UBR3: variants seen among roughly 807,000 people sequenced by gnomAD.
UBR3 encodes the protein E3 ubiquitin-protein ligase UBR3.
Under a neutral mutation model 243.2 loss-of-function variants are expected in UBR3, and 85 were observed. The ratio of observed to expected loss-of-function variants is 0.35; its 90% CI spans 0.29 to 0.42. The LOEUF (loss-of-function observed/expected upper bound fraction) is 0.42. Among genes scored for constraint, UBR3 ranks in the 10% least tolerant of loss-of-function variants. UBR3 has a pLI of 1.00. For missense variants in UBR3, 1,686 were observed against 2,300.8 expected (o/e 0.73, Z 5.47); for synonymous variants, 748 against 799.8 (o/e 0.94, Z 1.09).
chr2:169,882,680 C>G (rs2083938494), intron 5 of UBR3, among the ~76,000 whole-genome samples: 1 of 150,744 alleles, frequency 6.6e-6, no homozygotes, highest in Non-Finnish European at 1.5e-5. Context: ...GCAGAAGTTG[C>G]AGAGCTGAGA....
rs567848165 is a variant in UBR3, at chr2:169,858,626, GTCTC to G, written c.546-13602_546-13599del. Among the ~76,000 whole-genome samples the G allele has an allele frequency of 1.9e-4, 29 of 151,976 alleles. No individual in the cohort carries two copies. In the East Asian group the frequency reaches 5.6e-3, roughly 29 times the overall value. On this transcript the variant is annotated intron_variant, in intron 1 of 38. Coordinates refer to ENST00000272793, the MANE Select transcript of UBR3 (RefSeq NM_172070.4). ...TTTATTTATTTATTTTTGAGACAGAGTCTCTCTCTCTTACCCAGGCTGGAATGCA... is the reference window on the plus strand; with the variant it reads ...TTTATTTATTTATTTTTGAGACAGAGTCTCTCTTACCCAGGCTGGAATGCA...
At chr2:169,987,483 A>T (rs1292729471) in intron 25 of UBR3, among the ~76,000 whole-genome samples, 1 of 151,474 alleles carries the variant, frequency 6.6e-6, no homozygotes, top group Non-Finnish European at 1.5e-5. Context: ...GTTTTTAATT[A>T]CACAAGGCAT....
At chr2:169,870,326 G>A (rs1042089540) in intron 1 of UBR3, among the ~76,000 whole-genome samples, 5 of 151,868 alleles carry the variant, frequency 3.3e-5, no homozygotes, top group East Asian at 1.9e-4. Flanking sequence ...ACTGGGTCTC[G>A]CTATGTCACC....
chr2:169,900,067 G>A (rs4668180), intron 8 of UBR3, among the ~76,000 whole-genome samples: 8,237 of 152,132 alleles, frequency 0.054, 407 homozygotes, highest in African/African-American at 0.13. Context: ...TTGAGGAATC[G>A]CCACACTGTC....
At chr2:169,876,575 T>TTG in intron 3 of UBR3, among the ~76,000 whole-genome samples, 1 of 152,150 alleles carries the variant, frequency 6.6e-6, no homozygotes, top group Admixed American at 6.5e-5. Context: ...TGTATTTTTT[T>TTG]GAGACAGAGT....
At chr2:170,044,243 A>AG (rs1325615364) in intron 32 of UBR3, among the ~76,000 whole-genome samples, 3 of 152,216 alleles carry the variant, frequency 2.0e-5, no homozygotes, top group Admixed American at 2.0e-4. Context: ...GTTTGTTATT[A>AG]GAAGAGAAAA....
chr2:170,027,230 C>G (rs2090552397), intron 30 of UBR3, among the ~76,000 whole-genome samples: 1 of 151,120 alleles, frequency 6.6e-6, no homozygotes, highest in South Asian at 2.1e-4. Context: ...CGTATGTAAG[C>G]CCAACTTACA....
intron 11 of UBR3, among the ~76,000 whole-genome samples, chr2:169,917,885 T>A (rs2085524156): frequency 6.6e-6 from 1 of 152,108 alleles, no homozygotes; most frequent in African/African-American, 2.4e-5. Context: ...GTATTTTTAG[T>A]AGAGATGGGG....
At chr2:169,963,036 T>C (rs1033894404) in intron 24 of UBR3, among the ~76,000 whole-genome samples, 46 of 152,276 alleles carry the variant, frequency 3.0e-4, no homozygotes, top group African/African-American at 9.6e-4. Flanking sequence ...GATGCTAACA[T>C]TCACGTTAGA....
intron 8 of UBR3, among the ~76,000 whole-genome samples, chr2:169,899,352 A>T (rs2084722189): frequency 6.6e-6 from 1 of 152,052 alleles, no homozygotes; most frequent in African/African-American, 2.4e-5. Context: ...ATGTAATATG[A>T]TCTATTCTTT....
intron 1 of UBR3, among the ~76,000 whole-genome samples, chr2:169,852,879 C>A (rs202023583): frequency 0.039 from 3,122 of 81,004 alleles, 25 homozygotes; most frequent in South Asian, 0.067. Flanking sequence ...AAAAAAAAAA[C>A]AAAACCAAAC....
chr2:170,022,458 T>C (rs2090416627), intron 30 of UBR3, among the ~76,000 whole-genome samples: 1 of 152,162 alleles, frequency 6.6e-6, no homozygotes, highest in Admixed American at 6.6e-5. Context: ...AAATCCCATG[T>C]GTCCTTGTTG....
intron 29 of UBR3, 78 bp downstream of exon 29, chr2:170,009,018 A>T: frequency 9.8e-7 from 1 of 1,018,988 alleles, no homozygotes; most frequent in Non-Finnish European, 1.3e-6. Context: ...TATTTGTTTT[A>T]TTTATTTAAA....
chr2:169,841,398 G>A (rs561221603), intron 1 of UBR3, among the ~76,000 whole-genome samples: 4 of 152,272 alleles, frequency 2.6e-5, no homozygotes, highest in South Asian at 4.1e-4. Context: ...GCTTGCTCTC[G>A]GCACCTCCCC....
At position 170,056,011 on chromosome 2, in the gene UBR3, T is replaced by C. The variant is rs1244973279; in HGVS notation, c.4785+427T>C. ...ATCCTAGTCTTTTCTTTCTTTTTTT[T>C]TTTTTTTTTTTTTTGTGGCAGACTC... On this transcript the variant is annotated intron_variant, in intron 33 of 38. Coordinates refer to ENST00000272793, the MANE Select transcript of UBR3 (RefSeq NM_172070.4). 5.0e-5 allele frequency among the ~76,000 whole-genome samples: 6 copies of C among 119,584 alleles called. No individual in the cohort carries two copies. The South Asian group carries it at 1.0e-3, about 21-fold the overall frequency. The allele number at this position is 119,584 out of a possible 152,430, so 78.5% of individuals were successfully genotyped here.
intron 1 of UBR3, among the ~76,000 whole-genome samples, chr2:169,866,244 G>A (rs574184401): frequency 9.1e-4 from 105 of 115,338 alleles, no homozygotes; most frequent in Non-Finnish European, 1.5e-3. Flanking sequence ...GCAACAGAGT[G>A]AGACTGTGTC....
chr2:169,889,517 TTTTACA>T (rs754746438), intron 5 of UBR3, among the ~76,000 whole-genome samples: 2 of 152,196 alleles, frequency 1.3e-5, no homozygotes, highest in Admixed American at 6.5e-5. Flanking sequence ...TGTAGTATGC[TTTTACA>T]TTCCTGTGTC....
At chr2:170,028,514 CTT>C (rs918840447) in intron 30 of UBR3, among the ~76,000 whole-genome samples, 3 of 151,476 alleles carry the variant, frequency 2.0e-5, no homozygotes, top group African/African-American at 7.3e-5. Context: ...TAAAATATGA[CTT>C]TTGATTTCCA....
chr2:169,932,898 C>A lies in UBR3; in HGVS notation c.2567-14C>A, dbSNP rs751347355. The A allele has an allele frequency of 2.6e-6, 4 of 1,539,424 alleles. No homozygotes were observed. In the South Asian group the frequency reaches 3.7e-5, roughly 14 times the overall value. ...TCTGAGAAGTCAATGTTTCTACTTT[C>A]TTTTGAATAATAGCTGAAGTCTGGG... On this transcript the variant is annotated splice_polypyrimidine_tract_variant and intron_variant, in intron 18 of 38. Coordinates refer to ENST00000272793, the MANE Select transcript of UBR3 (RefSeq NM_172070.4).
Sources: gnomAD v4.1 joint callset for allele counts (sites outside exome capture counted in the v4.1 genomes callset) on GRCh38, gnomAD v4.1.1 for gene constraint, MANE v1.5 for transcripts, NCBI Gene and HGNC (gene_info 2026-07-23, HGNC 2026-07-21) for gene names.